Variants in CCDC91 observed in about 807,000 individuals in gnomAD.
CCDC91 encodes coiled-coil domain containing 91, also known as coiled-coil domain-containing protein 91.
In CCDC91, 48 loss-of-function variants were observed where a neutral mutation model predicts 63.2. The ratio of observed to expected loss-of-function variants is 0.76; its 90% confidence interval spans 0.60 to 0.97. The LOEUF (loss-of-function observed/expected upper bound fraction) is 0.97, where lower values mean the gene tolerates loss of function less well. CCDC91 is among the 50% of genes least tolerant of loss of function. CCDC91 has a pLI of 0.00. For missense variants in CCDC91, 500 were observed against 494.6 expected (o/e 1.01, Z -0.10); for synonymous variants, 167 against 165.8 (o/e 1.01, Z -0.06).
chr12:28,267,850 TAGTAA>T (rs1947374943), intron 3 of CCDC91, among the ~76,000 whole-genome samples: 1 of 12,612 alleles, frequency 7.9e-5, no homozygotes, highest in Admixed American at 1.6e-3. Flanking sequence ...TATAATTATA[TAGTAA>T]TATATAATTA....
rs564461436 is a variant in CCDC91, at chr12:28,306,323, G to T, written c.268-419G>T. ...CAATTTTGAGTCACCTGTTAATTTT[G>T]CGAGACAGTGGTGATCAATAGAGGT... On this transcript the variant is annotated intron_variant, in intron 4 of 12. Coordinates refer to ENST00000536442, the MANE Select transcript of CCDC91 (RefSeq NM_018318.5). 1.6e-4 allele frequency among the ~76,000 whole-genome samples: 24 copies of T among 152,100 alleles called. 2 individuals are homozygous for T. The South Asian group carries it at 4.8e-3, about 30-fold the overall frequency.
At chr12:28,420,965 A>G (rs181141438) in intron 8 of CCDC91, among the ~76,000 whole-genome samples, 3 of 152,204 alleles carry the variant, frequency 2.0e-5, no homozygotes, top group African/African-American at 4.8e-5. Flanking sequence ...GAATGTTGCT[A>G]TGAGTAATTA....
At position 28,453,564 on chromosome 12, in the gene CCDC91, A is replaced by G. The variant is rs1949917265; in HGVS notation, c.1101+910A>G. Among the ~76,000 whole-genome samples, 6 of 152,088 alleles carry G rather than the reference A, an allele frequency of 3.9e-5. No homozygotes were observed. The South Asian group carries it at 1.2e-3, about 31-fold the overall frequency. ...CACTTGTTTATTCTCAGGAACACAC[A>G]GTTACCCATTTATTACAAAAATTAA... On this transcript the variant is annotated intron_variant, in intron 11 of 12. Transcript: ENST00000536442.
chr12:28,334,899 C>T (rs1037255387), intron 6 of CCDC91, among the ~76,000 whole-genome samples: 2 of 151,370 alleles, frequency 1.3e-5, no homozygotes, highest in African/African-American at 2.4e-5. Context: ...ATAGCCTGTT[C>T]GTTTCATCAG....
intron 12 of CCDC91, among the ~76,000 whole-genome samples, chr12:28,544,602 T>C (rs1942854886): frequency 6.6e-6 from 1 of 151,978 alleles, no homozygotes; most frequent in African/African-American, 2.4e-5. Flanking sequence ...GTACTATGTG[T>C]ATTTGACACA....
At chr12:28,535,859 T>A (rs1942118215) in intron 12 of CCDC91, among the ~76,000 whole-genome samples, 1 of 151,856 alleles carries the variant, frequency 6.6e-6, no homozygotes, top group South Asian at 2.1e-4. Flanking sequence ...AAACCCCGTC[T>A]CTACTAAAAA....
chr12:28,236,516 AT>A (rs1944960416), intron 1 of CCDC91: 1 of 151,986 alleles, frequency 6.6e-6, no homozygotes, highest in South Asian at 2.1e-4. Flanking sequence ...ATAAAATAAA[AT>A]TTGAGACCTC....
At chr12:28,335,756 A>G (rs1294613491) in intron 6 of CCDC91, among the ~76,000 whole-genome samples, 1 of 151,976 alleles carries the variant, frequency 6.6e-6, no homozygotes, top group African/African-American at 2.4e-5. Flanking sequence ...AACCATTTTT[A>G]GTAGAATTCT....
At chr12:28,536,949 C>T (rs895769202) in intron 12 of CCDC91, among the ~76,000 whole-genome samples, 8 of 152,064 alleles carry the variant, frequency 5.3e-5, no homozygotes, top group African/African-American at 1.9e-4. Context: ...AATATATATG[C>T]CATAAGATCC....
At chr12:28,415,331 C>G (rs1321616758) in intron 8 of CCDC91, among the ~76,000 whole-genome samples, 1 of 151,942 alleles carries the variant, frequency 6.6e-6, no homozygotes, top group African/African-American at 2.4e-5. Flanking sequence ...TCAAGCAATT[C>G]TCCTGCCTCA....
chr12:28,432,530 G>C (rs1204342419), intron 8 of CCDC91, among the ~76,000 whole-genome samples: 2 of 152,032 alleles, frequency 1.3e-5, no homozygotes, highest in Non-Finnish European at 2.9e-5. Flanking sequence ...GTTTTCTGAG[G>C]CCTCCCAAGC....
chr12:28,320,731 G>A (rs560143804), intron 6 of CCDC91, among the ~76,000 whole-genome samples: 2 of 152,050 alleles, frequency 1.3e-5, no homozygotes, highest in East Asian at 3.9e-4. Context: ...TTTGATCACA[G>A]TGGCCAGAAA....
intron 11 of CCDC91, among the ~76,000 whole-genome samples, chr12:28,460,738 T>C (rs1354160639): frequency 6.6e-6 from 1 of 152,006 alleles, no homozygotes. Context: ...TTGCATACTA[T>C]ATATACACAT....
intron 1 of CCDC91, among the ~76,000 whole-genome samples, chr12:28,191,637 C>G (rs537852503): frequency 6.6e-6 from 1 of 152,166 alleles, no homozygotes; most frequent in East Asian, 1.9e-4. Context: ...CCTTCCCCCC[C>G]CCACAATATT....
chr12:28,361,260 C>CA (rs963202120), intron 6 of CCDC91, among the ~76,000 whole-genome samples: 2 of 151,552 alleles, frequency 1.3e-5, no homozygotes, highest in African/African-American at 4.9e-5. Flanking sequence ...ATACATGTGC[C>CA]ATGCTGGTGT....
chr12:28,390,011 T>C (rs1219438081), intron 7 of CCDC91, among the ~76,000 whole-genome samples: 1 of 152,090 alleles, frequency 6.6e-6, no homozygotes, highest in African/African-American at 2.4e-5. Flanking sequence ...CTAGTAAGCA[T>C]TTTCCTTATA....
intron 6 of CCDC91, among the ~76,000 whole-genome samples, chr12:28,350,284 C>T (rs561631848): frequency 6.6e-6 from 1 of 151,904 alleles, no homozygotes; most frequent in Non-Finnish European, 1.5e-5. Flanking sequence ...GGTATTATTG[C>T]TATTAATTTT....
chr12:28,220,648 C>A (rs950662946), intron 1 of CCDC91, among the ~76,000 whole-genome samples: 2 of 151,378 alleles, frequency 1.3e-5, no homozygotes, highest in African/African-American at 4.8e-5. Flanking sequence ...ATTCTCTTAC[C>A]CTTTGTTTAT....
At chr12:28,406,210 A>T (rs1326121570) in intron 8 of CCDC91, among the ~76,000 whole-genome samples, 1 of 151,894 alleles carries the variant, frequency 6.6e-6, no homozygotes, top group African/African-American at 2.4e-5. Context: ...TAAGCCCAGC[A>T]TCCATTAGCT....
Sources: gnomAD v4.1 joint callset for allele counts (sites outside exome capture counted in the v4.1 genomes callset) on GRCh38, gnomAD v4.1.1 for gene constraint, MANE v1.5 for transcripts, NCBI Gene and HGNC (gene_info 2026-07-23, HGNC 2026-07-21) for gene names.